Variants in NKD1 observed in about 807,000 individuals in gnomAD.
The protein encoded by NKD1 is protein naked cuticle homolog 1.
A neutral mutation model predicts 56.0 loss-of-function variants in NKD1; 21 were observed. That is an observed-to-expected ratio of 0.38 (90% CI 0.27 to 0.54). The LOEUF (loss-of-function observed/expected upper bound fraction) is 0.54, where lower values mean the gene tolerates loss of function less well. Among genes scored for constraint, NKD1 ranks in the 20% least tolerant of loss-of-function variants. The pLI, the probability that NKD1 is intolerant of heterozygous loss-of-function variation, is 0.82. For synonymous variants in NKD1, 263 were observed against 265.7 expected, an observed-to-expected ratio of 0.99 and a Z score of 0.10; for missense variants, 578 against 642.7, an observed-to-expected ratio of 0.90 and a Z score of 1.09.
At chr16:50,559,220 C>A (rs1399174094) in intron 3 of NKD1, among the ~76,000 whole-genome samples, 1 of 152,188 alleles carries the variant, frequency 6.6e-6, no homozygotes, top group African/African-American at 2.4e-5. Context: ...GATGTCACCC[C>A]TTCTTTTGCA....
rs566451828 is a variant in NKD1, at chr16:50,638,064, C to T, written c.*4283C>T. On this transcript the variant is annotated 3_prime_UTR_variant, in exon 10 of 10. Coordinates refer to ENST00000268459, the MANE Select transcript of NKD1 (RefSeq NM_033119.5). ...GCAGTTTCTTTCACTCCTACAGCCC[C>T]GTTTTCTCAGTGTTTAGACCTCGAA... The T allele has an allele frequency of 7.4e-4, 113 of 152,308 alleles. 2 individuals are homozygous for T. The highest frequency in any genetic ancestry group is 2.1e-3 in the African/African-American group (87 of 41,552). 9.4% of individuals were successfully genotyped at this position (152,308 alleles called of 1,614,324 possible).
intron 3 of NKD1, among the ~76,000 whole-genome samples, chr16:50,551,628 C>A (rs1016574190): frequency 6.6e-6 from 1 of 152,052 alleles, no homozygotes; most frequent in Non-Finnish European, 1.5e-5. Context: ...GTCAGAACTT[C>A]AGGGGGAGCC....
chr16:50,552,718 G>T (rs1267031196), intron 3 of NKD1, among the ~76,000 whole-genome samples: 1 of 152,234 alleles, frequency 6.6e-6, no homozygotes, highest in Non-Finnish European at 1.5e-5. Flanking sequence ...GTTATGATGG[G>T]ATTATAACTG....
chr16:50,621,400 C>T (rs1962084643), intron 4 of NKD1, among the ~76,000 whole-genome samples: 1 of 152,324 alleles, frequency 6.6e-6, no homozygotes, highest in African/African-American at 2.4e-5. Flanking sequence ...AGTGGGTGCA[C>T]CATGTTGGGG....
At chr16:50,597,082 G>A (rs537339683) in intron 3 of NKD1, among the ~76,000 whole-genome samples, 1 of 152,272 alleles carries the variant, frequency 6.6e-6, no homozygotes, top group African/African-American at 2.4e-5. Context: ...ATTGGGTAGG[G>A]GTTGGGGTGG....
At chr16:50,621,784 G>C in intron 5 of NKD1, 76 bp downstream of exon 5, 1 of 1,102,582 alleles carries the variant, frequency 9.1e-7, no homozygotes. Flanking sequence ...GAGGAGGGAA[G>C]CTGAGGCTCT....
intron 4 of NKD1, among the ~76,000 whole-genome samples, chr16:50,612,335 C>T (rs934074369): frequency 6.6e-6 from 1 of 152,178 alleles, no homozygotes; most frequent in Admixed American, 6.5e-5. Context: ...AAAACTGAAG[C>T]CCAGAGAGGG....
Position 50,644,389 on chromosome 16 carries a change from C to G in NKD1, c.*10608C>G, listed in dbSNP as rs531685753. ...TCCTGGCCTCCCCACCCGCCCCCAG[C>G]GGGACCTAGCACATGGCCTGCTGTT... On this transcript the variant is annotated 3_prime_UTR_variant, in exon 10 of 10. Transcript: ENST00000268459. The G allele has an allele frequency of 3.9e-5, 6 of 152,262 alleles. No individual in the cohort carries two copies. The highest frequency in any genetic ancestry group is 1.4e-4 in the African/African-American group (6 of 41,472). 9.4% of individuals were successfully genotyped at this position (152,262 alleles called of 1,614,324 possible).
At position 50,632,475 on chromosome 16, in the gene NKD1, C is replaced by G. The variant is rs1371719382; in HGVS notation, c.823+67C>G. On this transcript the variant is annotated intron_variant, in intron 9 of 9. Transcript: ENST00000268459. The surrounding 1 kb of genome is among the most constrained non-coding windows in gnomAD (Gnocchi z 4.1). ...GCGTGGCTGGACGGGCCAGGCGGGC[C>G]GTGCGGGTGGTGTTCACTGCTACCC... 6.4e-7 allele frequency: 1 copy of G among 1,565,894 alleles called. No homozygotes were observed. Among genetic ancestry groups the G allele is most frequent in the Non-Finnish European group, 8.8e-7 (1 of 1,139,788 alleles).
Position 50,632,241 on chromosome 16 carries a change from T to C in NKD1, c.696-40T>C. ...AGCCTATGCGCTTGCCCCCACCTGGTGGTTGGTGTTATCCCACTCACTTGC... is the reference window on the plus strand; with the variant it reads ...AGCCTATGCGCTTGCCCCCACCTGGCGGTTGGTGTTATCCCACTCACTTGC... On this transcript the variant is annotated intron_variant, in intron 8 of 9. Transcript: ENST00000268459. The surrounding 1 kb of genome is among the most constrained non-coding windows in gnomAD (Gnocchi z 4.1). The C allele has an allele frequency of 6.2e-7, 1 of 1,609,590 alleles. No homozygotes were observed. The highest frequency in any genetic ancestry group is 2.2e-5 in the East Asian group (1 of 44,768).
At chr16:50,602,940 G>A (rs991387791) in intron 3 of NKD1, among the ~76,000 whole-genome samples, 6 of 152,234 alleles carry the variant, frequency 3.9e-5, no homozygotes, top group Non-Finnish European at 5.9e-5. Context: ...CACTGGATTC[G>A]AATGTGCCTC....
At chr16:50,602,308 T>C (rs1961614453) in intron 3 of NKD1, among the ~76,000 whole-genome samples, 3 of 152,146 alleles carry the variant, frequency 2.0e-5, no homozygotes, top group Admixed American at 2.0e-4. Context: ...ATTGATGGGA[T>C]GCGGGCTGGA....
At chr16:50,570,358 G>A (rs1377066440) in intron 3 of NKD1, among the ~76,000 whole-genome samples, 2 of 152,142 alleles carry the variant, frequency 1.3e-5, no homozygotes, top group Non-Finnish European at 2.9e-5. Flanking sequence ...ATAAAACACA[G>A]ATATACATCC....
At chr16:50,577,605 C>T (rs1567338924) in intron 3 of NKD1, among the ~76,000 whole-genome samples, 1 of 152,148 alleles carries the variant, frequency 6.6e-6, no homozygotes, top group Non-Finnish European at 1.5e-5. Context: ...AGTAGATCTC[C>T]AGAACCTATT....
At chr16:50,630,454 G>C in intron 7 of NKD1, 121 bp downstream of exon 7, 1 of 1,107,556 alleles carries the variant, frequency 9.0e-7, no homozygotes, top group Non-Finnish European at 1.3e-6. Context: ...TTTGTGGACA[G>C]GTGGGGTTCA....
intron 3 of NKD1, among the ~76,000 whole-genome samples, chr16:50,604,201 G>C (rs559450262): frequency 2.0e-5 from 3 of 152,192 alleles, no homozygotes; most frequent in Non-Finnish European, 4.4e-5. Flanking sequence ...TCAGGCTCTG[G>C]CACTTACTAG....
At position 50,637,329 on chromosome 16, in the gene NKD1, G is replaced by C. The variant is rs1313366962; in HGVS notation, c.*3548G>C. On this transcript the variant is annotated 3_prime_UTR_variant, in exon 10 of 10. Coordinates refer to ENST00000268459, the MANE Select transcript of NKD1 (RefSeq NM_033119.5). ...CGCCTGTAATCTCAACACTTTGGGA[G>C]ACCGAGGTGGGTGGATCACCTGAGG... 3 of 152,238 alleles carry C rather than the reference G, an allele frequency of 2.0e-5. No individual in the cohort carries two copies. Among genetic ancestry groups the C allele is most frequent in the Non-Finnish European group, 4.4e-5 (3 of 68,066 alleles). 9.4% of individuals were successfully genotyped at this position (152,238 alleles called of 1,614,324 possible).
At chr16:50,562,766 A>G (rs1405950362) in intron 3 of NKD1, among the ~76,000 whole-genome samples, 2 of 151,906 alleles carry the variant, frequency 1.3e-5, no homozygotes, top group Admixed American at 1.3e-4. Flanking sequence ...ATGAGGGGGG[A>G]GGAGGGCACT....
At chr16:50,569,895 G>A (rs940665621) in intron 3 of NKD1, among the ~76,000 whole-genome samples, 1 of 152,190 alleles carries the variant, frequency 6.6e-6, no homozygotes, top group Non-Finnish European at 1.5e-5. Context: ...GGATTTTCAG[G>A]AGTTTTGGGG....
Sources: gnomAD v4.1 joint callset for allele counts (sites outside exome capture counted in the v4.1 genomes callset) on GRCh38, gnomAD v4.1.1 for gene constraint, Gnocchi (gnomAD v3.1) non-coding constraint, MANE v1.5 for transcripts, NCBI Gene and HGNC (gene_info 2026-07-23, HGNC 2026-07-21) for gene names.